Variants in MAPK9 observed in about 807,000 individuals in gnomAD.
The protein encoded by MAPK9 is mitogen-activated protein kinase 9, also known as Jun kinase.
A neutral mutation model predicts 57.1 loss-of-function variants in MAPK9; 30 were observed. That is an observed-to-expected ratio of 0.53 (90% CI 0.39 to 0.71). The LOEUF is 0.71. Ranked by LOEUF, MAPK9 falls within the 30% of genes least tolerant of loss-of-function variation. The pLI, the probability that MAPK9 is intolerant of heterozygous loss-of-function variation, is 0.00. For missense variants in MAPK9, 362 were observed against 521.0 expected (o/e 0.69, Z 2.97); for synonymous variants, 155 against 177.0 (o/e 0.88, Z 0.99).
intron 1 of MAPK9, among the ~76,000 whole-genome samples, chr5:180,281,671 A>C (rs1452861562): frequency 1.3e-5 from 2 of 152,208 alleles, no homozygotes; most frequent in Non-Finnish European, 2.9e-5. Context: ...GTGATGATTT[A>C]TATTTCAACA....
intron 11 of MAPK9, 129 bp from the exon 12 acceptor site, chr5:180,236,655 CAAG>C (rs1757197833): frequency 1.1e-6 from 1 of 949,364 alleles, no homozygotes; most frequent in East Asian, 2.7e-5. Flanking sequence ...TGAGTATAGA[CAAG>C]AAGTCAGTCA....
chr5:180,256,388 TGGGCAGGGGTGGGGCAGGG>T (rs1759281835), intron 5 of MAPK9, among the ~76,000 whole-genome samples: 1 of 58,210 alleles, frequency 1.7e-5, no homozygotes, highest in African/African-American at 6.8e-5. Context: ...TCCTGGGATG[TGGGCAGGGGTGGGGCAGGG>T]GGGCAGGGGG....
intron 7 of MAPK9, among the ~76,000 whole-genome samples, chr5:180,243,997 G>A (rs1360591898): frequency 6.6e-6 from 1 of 152,148 alleles, no homozygotes; most frequent in Non-Finnish European, 1.5e-5. Context: ...ACAGGCACCT[G>A]CCATAACGGT....
chr5:180,244,167 C>A (rs911110802), intron 7 of MAPK9, among the ~76,000 whole-genome samples: 5 of 151,938 alleles, frequency 3.3e-5, no homozygotes, highest in African/African-American at 1.2e-4. Context: ...ACTTTTGATA[C>A]CTCTTCTGCC....
At chr5:180,283,112 G>C (rs1762456653) in intron 1 of MAPK9, among the ~76,000 whole-genome samples, 1 of 152,122 alleles carries the variant, frequency 6.6e-6, no homozygotes, top group South Asian at 2.1e-4. Flanking sequence ...GGTGCTCCAG[G>C]ATCCATCCCT....
rs765111829 is a variant in MAPK9, at chr5:180,236,369, G to A, written c.*15C>T. ...GAGTTCCTTCAATGCTGACAGGTTT[G>A]CTATTTCTAACCTATCATCGACAGC... is the stretch of plus-strand genomic sequence containing the variant. On this transcript the variant is annotated 3_prime_UTR_variant, in exon 12 of 12. Coordinates refer to ENST00000452135, the MANE Select transcript of MAPK9 (RefSeq NM_002752.5). The A allele has an allele frequency of 6.3e-7, 1 of 1,593,152 alleles. No individual in the cohort carries two copies. Among genetic ancestry groups the A allele is most frequent in the East Asian group, 2.3e-5 (1 of 44,324 alleles).
At chr5:180,270,631 G>A (rs1306466921) in intron 2 of MAPK9, among the ~76,000 whole-genome samples, 3 of 152,070 alleles carry the variant, frequency 2.0e-5, no homozygotes, top group South Asian at 4.1e-4. Flanking sequence ...CAGGCAGATC[G>A]CTTGAGCCCA....
chr5:180,261,623 T>G, intron 5 of MAPK9, 61 bp downstream of exon 5: 3 of 1,424,622 alleles, frequency 2.1e-6, no homozygotes, highest in Non-Finnish European at 2.8e-6. Flanking sequence ...ATTTTGTATG[T>G]AAAGGATTAT....
Position 180,235,246 on chromosome 5 carries a change from A to G in MAPK9, c.*1138T>C, listed in dbSNP as rs1757093201. 2 of 152,218 alleles carry G rather than the reference A, an allele frequency of 1.3e-5. No homozygotes were observed. The highest frequency in any genetic ancestry group is 2.9e-5 in the Non-Finnish European group (2 of 68,042). 9.4% of individuals were successfully genotyped at this position (152,218 alleles called of 1,614,324 possible). A position where few individuals can be genotyped will look rare whatever the true frequency, so the allele number is the denominator to read the frequency against. Reference sequence around the variant, plus strand: ...AAAGGAATGCCTCCCAACAATGGAGAGCAACAATAGCAACAGGCATCTGAA... The same window carrying G: ...AAAGGAATGCCTCCCAACAATGGAGGGCAACAATAGCAACAGGCATCTGAA... On this transcript the variant is annotated 3_prime_UTR_variant, in exon 12 of 12. Coordinates refer to ENST00000452135, the MANE Select transcript of MAPK9 (RefSeq NM_002752.5).
At chr5:180,249,758 C>G (rs35716129) in intron 5 of MAPK9, among the ~76,000 whole-genome samples, 2 of 152,012 alleles carry the variant, frequency 1.3e-5, no homozygotes, top group Non-Finnish European at 2.9e-5. Flanking sequence ...TTTTTTTAAC[C>G]CAATATATCC....
chr5:180,269,966 A>T (rs1251870415), intron 2 of MAPK9, among the ~76,000 whole-genome samples: 4 of 152,232 alleles, frequency 2.6e-5, no homozygotes, highest in African/African-American at 9.6e-5. Flanking sequence ...AGCAACTGCT[A>T]TATAAAGTTC....
chr5:180,253,754 T>C (rs1758955724), intron 5 of MAPK9: 1 of 152,274 alleles, frequency 6.6e-6, no homozygotes, highest in Non-Finnish European at 1.5e-5. Flanking sequence ...CTCTGCCACA[T>C]GAGAAGCACA....
At chr5:180,244,821 C>T (rs548998002) in intron 7 of MAPK9, among the ~76,000 whole-genome samples, 25 of 151,268 alleles carry the variant, frequency 1.7e-4, no homozygotes, top group African/African-American at 5.8e-4. Flanking sequence ...GCTGTCTACA[C>T]TTGTGTCTCT....
chr5:180,268,041 G>C (rs1466546542), intron 3 of MAPK9, among the ~76,000 whole-genome samples: 1 of 151,842 alleles, frequency 6.6e-6, no homozygotes, highest in Admixed American at 6.6e-5. Flanking sequence ...AGCCAGGATG[G>C]TCTCTATCTC....
chr5:180,253,844 C>A (rs1581207270), intron 5 of MAPK9, among the ~76,000 whole-genome samples: 1 of 151,880 alleles, frequency 6.6e-6, no homozygotes, highest in African/African-American at 2.4e-5. Flanking sequence ...TAAATGGTGC[C>A]CAGAGAAAAA....
chr5:180,262,105 C>T (rs1039798993), intron 4 of MAPK9, among the ~76,000 whole-genome samples: 1 of 152,104 alleles, frequency 6.6e-6, no homozygotes, highest in African/African-American at 2.4e-5. Flanking sequence ...CTGAAATTCT[C>T]CGTACCAGCC....
At chr5:180,280,093 G>A in intron 2 of MAPK9, 1 of 458,540 alleles carries the variant, frequency 2.2e-6, no homozygotes, top group Admixed American at 2.4e-5. Flanking sequence ...AGGTGGCCAT[G>A]ATGAAGAAAT....
intron 5 of MAPK9, among the ~76,000 whole-genome samples, chr5:180,259,872 T>C (rs1054710453): frequency 6.6e-6 from 1 of 152,220 alleles, no homozygotes; most frequent in African/African-American, 2.4e-5. Flanking sequence ...TATGTAAACA[T>C]GAAAAAACTC....
rs570596715 is a variant in MAPK9 at position 180,241,803 on chromosome 5, C to T, written c.872-648G>A. 3.3e-5 allele frequency among the ~76,000 whole-genome samples: 5 copies of T among 152,312 alleles called. No homozygotes were observed. In the South Asian group the frequency reaches 8.3e-4, roughly 25 times the overall value. ...CCACAGCAAGGAAGGTGGCAATTGC[C>T]GAGCTGCGGGTGGCACTGCCCAGAG... On this transcript the variant is annotated intron_variant, in intron 8 of 11. Transcript: ENST00000452135.
Sources: gnomAD v4.1 joint callset for allele counts (sites outside exome capture counted in the v4.1 genomes callset) on GRCh38, gnomAD v4.1.1 for gene constraint, MANE v1.5 for transcripts, NCBI Gene and HGNC (gene_info 2026-07-23, HGNC 2026-07-21) for gene names.